DMXL1: variants seen among roughly 807,000 people sequenced by gnomAD.
DMXL1 encodes dmX-like protein 1.
Under a neutral mutation model 319.2 loss-of-function variants are expected in DMXL1, and 99 were observed. The ratio of observed to expected loss-of-function variants is 0.31; its 90% confidence interval spans 0.26 to 0.37. The LOEUF (loss-of-function observed/expected upper bound fraction) is 0.37. Ranked by LOEUF, DMXL1 falls within the 10% of genes least tolerant of loss-of-function variation. The pLI is 1.00. For missense variants in DMXL1, 3,745 were observed against 3,595.6 expected (o/e 1.04, Z -1.06); for synonymous variants, 1,385 against 1,235.2 (o/e 1.12, Z -2.54).
chr5:119,154,895 C>T (rs1770660387), intron 19 of DMXL1, among the ~76,000 whole-genome samples: 1 of 152,146 alleles, frequency 6.6e-6, no homozygotes, highest in South Asian at 2.1e-4. Flanking sequence ...AAGTTGAAGC[C>T]AATGCCCATT....
chr5:119,128,880 G>A (rs1453497174), intron 9 of DMXL1, among the ~76,000 whole-genome samples: 4 of 151,956 alleles, frequency 2.6e-5, no homozygotes, highest in African/African-American at 9.7e-5. Flanking sequence ...CTTGGCCAGC[G>A]TGGTGAAACC....
At chr5:119,122,869 A>G (rs1446856951) in intron 9 of DMXL1, among the ~76,000 whole-genome samples, 2 of 148,696 alleles carry the variant, frequency 1.3e-5, no homozygotes, top group African/African-American at 2.5e-5. Context: ...ATGGGCGGCC[A>G]GGCAGAGACG....
intron 19 of DMXL1, among the ~76,000 whole-genome samples, chr5:119,161,689 C>T (rs989567782): frequency 2.0e-5 from 3 of 152,142 alleles, no homozygotes; most frequent in Non-Finnish European, 4.4e-5. Flanking sequence ...CAGGTCTAGC[C>T]CCTGAGCTTT....
chr5:119,160,514 T>A (rs1000719539), intron 19 of DMXL1, among the ~76,000 whole-genome samples: 5 of 152,230 alleles, frequency 3.3e-5, no homozygotes, highest in Admixed American at 1.3e-4. Context: ...ATTCTCTTGC[T>A]GTTTGGTAGA....
intron 25 of DMXL1, among the ~76,000 whole-genome samples, chr5:119,172,193 C>T (rs929786585): frequency 2.0e-5 from 3 of 152,148 alleles, no homozygotes; most frequent in Non-Finnish European, 4.4e-5. Context: ...TTTTTTATCA[C>T]AATGCCTAGT....
At chr5:119,198,176 A>G (rs1244186098) in intron 32 of DMXL1, among the ~76,000 whole-genome samples, 3 of 152,066 alleles carry the variant, frequency 2.0e-5, no homozygotes, top group Non-Finnish European at 4.4e-5. Flanking sequence ...TTTAGTAGAG[A>G]TGGGGTTTCA....
chr5:119,167,162 T>A (rs553273853), intron 22 of DMXL1, among the ~76,000 whole-genome samples: 8 of 152,252 alleles, frequency 5.3e-5, no homozygotes, highest in South Asian at 2.1e-4. Context: ...CTTAAAAAAA[T>A]TATGAATATT....
intron 7 of DMXL1, among the ~76,000 whole-genome samples, chr5:119,117,726 C>T (rs1761151941): frequency 6.6e-6 from 1 of 151,532 alleles, no homozygotes; most frequent in Non-Finnish European, 1.5e-5. Flanking sequence ...GAGGAGAGGG[C>T]GCCAGAGGGA....
chr5:119,079,589 G>A (rs1325711426), intron 1 of DMXL1, among the ~76,000 whole-genome samples: 2 of 152,078 alleles, frequency 1.3e-5, no homozygotes, highest in Non-Finnish European at 2.9e-5. Flanking sequence ...ACTATACTTT[G>A]GCAGCTTTTT....
At chr5:119,184,120 CA>C (rs1777269674) in intron 28 of DMXL1, among the ~76,000 whole-genome samples, 1 of 150,448 alleles carries the variant, frequency 6.6e-6, no homozygotes, top group African/African-American at 2.5e-5. Flanking sequence ...GTGGTGTGAT[CA>C]CAGCTCATTT....
rs770614979 is a variant in DMXL1, at chr5:119,237,399, G to A, written c.8544G>A (p.Met2848Ile). Residue 2848 changes from methionine to isoleucine, a missense_variant, in exon 40 of 44, where the codon ATG becomes ATA. This residue lies in a region of DMXL1 where 262 missense variants were observed against 320.5 expected (regional missense o/e 0.82). Coordinates refer to ENST00000539542, the MANE Select transcript of DMXL1 (RefSeq NM_001290321.3). ...NWKCCPVTGSMPKPYLTWQCH... is the reference protein window; with the variant it reads ...NWKCCPVTGSIPKPYLTWQCH... ...AATGTTGTCCAGTTACTGGAAGCAT[G>A]CCTAAGCCATACCTGGTAAGCCAAG... 10 of 1,601,584 alleles carry A rather than the reference G, an allele frequency of 6.2e-6. No homozygotes were observed. Among genetic ancestry groups the A allele is most frequent in the Admixed American group, 3.3e-5 (2 of 59,896 alleles).
In DMXL1 at chr5:119,149,631, G is replaced by C. The variant is rs144527812; in HGVS notation, c.3804G>C (p.Gln1268His). The C allele has an allele frequency of 1.2e-6, 2 of 1,613,832 alleles. No homozygotes were observed. The highest frequency in any genetic ancestry group is 1.7e-6 in the Non-Finnish European group (2 of 1,179,882). Reference sequence around the variant, plus strand: ...CATCTATAACAAGTTTAATAAAACAGAGTAACTCCAGTTCTGGGTTACATC... The same window carrying C: ...CATCTATAACAAGTTTAATAAAACACAGTAACTCCAGTTCTGGGTTACATC... ...STPSITSLIKQSNSSSGLHPP... is the reference protein window; with the variant it reads ...STPSITSLIKHSNSSSGLHPP... Residue 1268 changes from glutamine (Q) to histidine (H), a missense_variant, in exon 18 of 44, where the codon CAG becomes CAC. By Grantham distance (24) the Gln-to-His change is conservative. Around this residue, in one of 4 missense-constraint regions of DMXL1, gnomAD observed 2,096 missense variants for 1,985.4 expected, o/e 1.06. Transcript: ENST00000539542.
At chr5:119,107,860 T>C (rs1239943624) in intron 4 of DMXL1, among the ~76,000 whole-genome samples, 2 of 152,220 alleles carry the variant, frequency 1.3e-5, no homozygotes, top group Non-Finnish European at 1.5e-5. Context: ...GCTTAGTGCC[T>C]GGCCTGTGCT....
chr5:119,125,407 T>G (rs934404464), intron 9 of DMXL1, among the ~76,000 whole-genome samples: 4 of 152,206 alleles, frequency 2.6e-5, no homozygotes, highest in African/African-American at 7.2e-5. Context: ...CCTTGTTGGT[T>G]ACTACCATAA....
chr5:119,119,054 C>G, intron 8 of DMXL1, 50 bp downstream of exon 8: 1 of 1,317,060 alleles, frequency 7.6e-7, no homozygotes, highest in South Asian at 1.5e-5. Context: ...ACCTTTGGTA[C>G]ATTGCCTTTT....
At chr5:119,165,961 T>C (rs1031554150) in intron 21 of DMXL1, among the ~76,000 whole-genome samples, 4 of 152,164 alleles carry the variant, frequency 2.6e-5, no homozygotes, top group African/African-American at 9.7e-5. Context: ...AATTAAATGG[T>C]GGAGTCTGGA....
At chr5:119,089,455 A>G (rs1221372069) in intron 1 of DMXL1, among the ~76,000 whole-genome samples, 1 of 148,164 alleles carries the variant, frequency 6.7e-6, no homozygotes, top group Non-Finnish European at 1.5e-5. Context: ...ACAGGCGCGC[A>G]CCACCACACC....
chr5:119,226,765 C>T (rs1785650837), intron 38 of DMXL1, among the ~76,000 whole-genome samples: 2 of 152,128 alleles, frequency 1.3e-5, no homozygotes, highest in African/African-American at 4.8e-5. Context: ...GCCCACAGCT[C>T]CCTCCTTGGG....
intron 25 of DMXL1, among the ~76,000 whole-genome samples, chr5:119,174,858 C>T (rs923169249): frequency 2.6e-5 from 4 of 152,174 alleles, no homozygotes; most frequent in Non-Finnish European, 5.9e-5. Flanking sequence ...GTAGCATATT[C>T]TTCAGTGACC....
Sources: allele counts gnomAD v4.1 joint callset (sites outside exome capture counted in the v4.1 genomes callset), GRCh38; gene constraint gnomAD v4.1.1; regional missense constraint gnomAD v4.1.1; transcripts MANE v1.5; gene names NCBI Gene and HGNC (gene_info 2026-07-23, HGNC 2026-07-21).